CRACD: variants seen among roughly 807,000 people sequenced by gnomAD.
The protein encoded by CRACD is capping protein inhibiting regulator of actin dynamics.
CRACD carries 56 observed loss-of-function variants against 106.8 expected under a neutral mutation model. The observed-to-expected ratio is 0.52, with a 90% CI of 0.42 to 0.66. CRACD has a LOEUF of 0.66. Among genes scored for constraint, CRACD ranks in the 30% least tolerant of loss-of-function variants. The pLI, the probability that CRACD is intolerant of heterozygous loss-of-function variation, is 0.00. For missense variants in CRACD, 1,730 were observed against 1,623.2 expected (o/e 1.07, Z -1.13); for synonymous variants, 754 against 670.8 (o/e 1.12, Z -1.92).
chr4:56,122,675 T>A (rs2109855764), intron 1 of CRACD, among the ~76,000 whole-genome samples: 1 of 152,320 alleles, frequency 6.6e-6, no homozygotes, highest in South Asian at 2.1e-4. Flanking sequence ...ACATCAGCAA[T>A]TTTTCCAAAC....
intron 2 of CRACD, among the ~76,000 whole-genome samples, chr4:56,268,821 C>CT (rs1742184725): frequency 6.6e-6 from 1 of 152,168 alleles, no homozygotes; most frequent in Non-Finnish European, 1.5e-5. Flanking sequence ...GCCTAGTGCT[C>CT]TTGGATGATC....
Position 56,327,929 on chromosome 4 carries a change from A to G in CRACD, c.*125A>G, listed in dbSNP as rs868217894. 2.6e-4 allele frequency: 222 copies of G among 850,000 alleles called. 2 individuals carry two copies. In the Middle Eastern group the frequency reaches 2.7e-3, roughly 10 times the overall value. The allele number at this position is 850,000 out of a possible 1,614,324, so 52.7% of individuals were successfully genotyped here. ...AAAGAAGCATGTTTTATAGGCTCCA[A>G]AATAATGTTTAGAAACTGAACTGGT... On this transcript the variant is annotated 3_prime_UTR_variant, in exon 11 of 11. Coordinates refer to ENST00000682029, the MANE Select transcript of CRACD (RefSeq NM_001393381.1).
At chr4:56,064,344 T>C (rs1345621994) in intron 1 of CRACD, among the ~76,000 whole-genome samples, 1 of 152,226 alleles carries the variant, frequency 6.6e-6, no homozygotes, top group Non-Finnish European at 1.5e-5. Flanking sequence ...TAATATTTAG[T>C]TATCCATGAA....
At chr4:56,277,931 C>T (rs1577845624) in intron 3 of CRACD, among the ~76,000 whole-genome samples, 1 of 152,100 alleles carries the variant, frequency 6.6e-6, no homozygotes, top group East Asian at 1.9e-4. Context: ...GAATAAACGA[C>T]TTAGGAATAA....
At position 56,315,086 on chromosome 4, in the gene CRACD, C is replaced by T. The variant is rs919644903; in HGVS notation, c.1584C>T (p.Asp528=). The T allele has an allele frequency of 9.3e-6, 15 of 1,610,698 alleles. No homozygotes were observed. Among genetic ancestry groups the T allele is most frequent in the Non-Finnish European group, 1.3e-5 (15 of 1,179,162 alleles). ...AGGAGCTGCGGTGGCAGGAGGTGGACGAGAGACAGACCATGCCCCGGCCCT... is the reference window on the plus strand; with the variant it reads ...AGGAGCTGCGGTGGCAGGAGGTGGATGAGAGACAGACCATGCCCCGGCCCT... ...KVEELRWQEV[D]ERQTMPRPYT... is the part of the protein sequence containing the mutation. The change falls in exon 8 of 11, where the codon GAC becomes GAT. Residue 528 remains aspartate (D), a synonymous_variant. Coordinates refer to ENST00000682029, the MANE Select transcript of CRACD (RefSeq NM_001393381.1). This position sits in a 1 kb window ranked among gnomAD's most constrained non-coding sequence, Gnocchi z 4.1.
At chr4:56,094,101 A>C (rs1442464481) in intron 1 of CRACD, among the ~76,000 whole-genome samples, 2 of 152,248 alleles carry the variant, frequency 1.3e-5, no homozygotes, top group African/African-American at 4.8e-5. Context: ...AATGTTAGAA[A>C]AAATGTTTTA....
chr4:56,214,236 A>G (rs2109497095), intron 2 of CRACD, among the ~76,000 whole-genome samples: 1 of 152,244 alleles, frequency 6.6e-6, no homozygotes, highest in Middle Eastern at 3.4e-3. Context: ...AAGGGGTGAG[A>G]GGGCTCTCTC....
chr4:56,227,455 G>A (rs559136898), intron 2 of CRACD, among the ~76,000 whole-genome samples: 29 of 152,070 alleles, frequency 1.9e-4, no homozygotes, highest in Non-Finnish European at 3.5e-4. Flanking sequence ...CAGTAACAAG[G>A]AAACTTCCTG....
intron 1 of CRACD, among the ~76,000 whole-genome samples, chr4:56,088,333 C>A (rs1733302579): frequency 6.6e-6 from 1 of 151,820 alleles, no homozygotes; most frequent in Non-Finnish European, 1.5e-5. Flanking sequence ...GTCTATTGTT[C>A]CCAGCTTATT....
intron 2 of CRACD, among the ~76,000 whole-genome samples, chr4:56,229,466 C>T (rs1444840228): frequency 6.6e-6 from 1 of 152,166 alleles, no homozygotes; most frequent in African/African-American, 2.4e-5. Context: ...ACTTCCCAGC[C>T]TCTAGGACCA....
intron 10 of CRACD, among the ~76,000 whole-genome samples, chr4:56,325,194 G>A (rs866400841): frequency 1.3e-5 from 2 of 152,102 alleles, no homozygotes; most frequent in Admixed American, 6.5e-5. Context: ...AATTAGCCAG[G>A]TGTGGTGGTG....
At chr4:56,057,405 C>T (rs1732112276) in intron 1 of CRACD, among the ~76,000 whole-genome samples, 1 of 152,128 alleles carries the variant, frequency 6.6e-6, no homozygotes, top group African/African-American at 2.4e-5. Flanking sequence ...GTATATTCAC[C>T]ATGCCAGTTG....
At chr4:56,058,133 C>T (rs1319106202) in intron 1 of CRACD, among the ~76,000 whole-genome samples, 1 of 151,340 alleles carries the variant, frequency 6.6e-6, no homozygotes, top group African/African-American at 2.4e-5. Flanking sequence ...GCAGTGGCAC[C>T]ATCTCGGCTC....
intron 1 of CRACD, among the ~76,000 whole-genome samples, chr4:56,085,842 G>A (rs1281476743): frequency 6.6e-6 from 1 of 152,108 alleles, no homozygotes; most frequent in Non-Finnish European, 1.5e-5. Flanking sequence ...GGAGCACCAG[G>A]CTAAAGAATA....
chr4:56,124,339 C>G (rs1450501845), intron 1 of CRACD, among the ~76,000 whole-genome samples: 1 of 152,222 alleles, frequency 6.6e-6, no homozygotes, highest in Non-Finnish European at 1.5e-5. Flanking sequence ...TGACAGTTAT[C>G]AGCATGTGAC....
At chr4:56,098,269 G>A (rs1002977458) in intron 1 of CRACD, among the ~76,000 whole-genome samples, 1 of 152,236 alleles carries the variant, frequency 6.6e-6, no homozygotes, top group Middle Eastern at 3.4e-3. Flanking sequence ...AGGTTTTCTG[G>A]TACAGTAGAG....
chr4:56,177,795 G>A (rs749297967), intron 1 of CRACD, among the ~76,000 whole-genome samples: 1 of 151,984 alleles, frequency 6.6e-6, no homozygotes, highest in Non-Finnish European at 1.5e-5. Flanking sequence ...ATTTATTGTT[G>A]TACAATTGTT....
intron 2 of CRACD, among the ~76,000 whole-genome samples, chr4:56,235,429 G>T (rs1191892598): frequency 6.6e-6 from 1 of 152,194 alleles, no homozygotes; most frequent in Non-Finnish European, 1.5e-5. Context: ...ATGTTCTGTT[G>T]TGCTACAGAG....
At chr4:56,309,457 C>T (rs1744979357) in intron 5 of CRACD, among the ~76,000 whole-genome samples, 1 of 152,128 alleles carries the variant, frequency 6.6e-6, no homozygotes. Flanking sequence ...TGGCTCATAC[C>T]TATAATGCCA....
Sources: gnomAD v4.1 joint callset for allele counts (sites outside exome capture counted in the v4.1 genomes callset) on GRCh38, gnomAD v4.1.1 for gene constraint, Gnocchi (gnomAD v3.1) non-coding constraint, MANE v1.5 for transcripts, NCBI Gene and HGNC (gene_info 2026-07-23, HGNC 2026-07-21) for gene names.